Variants in SMAD5 observed in about 807,000 individuals in gnomAD.
SMAD5 encodes SMAD family member 5.
A neutral mutation model predicts 43.1 loss-of-function variants in SMAD5; 9 were observed. That is an observed-to-expected ratio of 0.21 (90% CI 0.13 to 0.36). SMAD5 has a LOEUF of 0.36. SMAD5 is among the 10% of genes least tolerant of loss of function. The probability of loss-of-function intolerance (pLI) is 1.00; values close to 1 mark genes in which losing one functional copy is unlikely to be tolerated. For missense variants in SMAD5, 348 were observed against 574.0 expected (o/e 0.61, Z 4.02); for synonymous variants, 190 against 192.4 (o/e 0.99, Z 0.10).
Position 136,161,064 on chromosome 5 carries a change from C to T in SMAD5, c.612C>T (p.Asn204=). Residue 204 remains asparagine, a synonymous_variant, in exon 4 of 8, where the codon AAC becomes AAT. Coordinates refer to ENST00000545279, the MANE Select transcript of SMAD5 (RefSeq NM_005903.7). ...PPSPASSTYP[N]SPASSGPGSP... Reference sequence around the variant, plus strand: ...CTCCTGCTAGCAGCACATATCCCAACTCCCCAGCAAGTTCTGGACCAGGAA... The same window carrying T: ...CTCCTGCTAGCAGCACATATCCCAATTCCCCAGCAAGTTCTGGACCAGGAA... The T allele has an allele frequency of 2.5e-6, 4 of 1,613,848 alleles. No homozygotes were observed. The highest frequency in any genetic ancestry group is 3.4e-6 in the Non-Finnish European group (4 of 1,179,858).
At position 136,179,508 on chromosome 5, in the gene SMAD5, C is replaced by A. The variant is rs1754547014; in HGVS notation, c.*2028C>A. 6.6e-6 allele frequency: 1 copy of A among 152,032 alleles called. No homozygotes were observed. The allele number at this position is 152,032 out of a possible 1,614,324, so 9.4% of individuals were successfully genotyped here. A position where few individuals can be genotyped will look rare whatever the true frequency, so the allele number is the denominator to read the frequency against. On this transcript the variant is annotated 3_prime_UTR_variant, in exon 8 of 8. Coordinates refer to ENST00000545279, the MANE Select transcript of SMAD5 (RefSeq NM_005903.7). ...TTTCGAGGAAAGAATTATGCAATTT[C>A]TTTTGTTTTCTGTGTCATTATTTAT...
intron 4 of SMAD5, 76 bp from the exon 5 acceptor site, chr5:136,163,196 A>AAGAATTTTCTAAAGCTTTT (rs941711560): frequency 7.7e-7 from 1 of 1,305,460 alleles, no homozygotes; most frequent in Non-Finnish European, 1.1e-6. Flanking sequence ...TGGTAATCTT[A>AAGAATTTTCTAAAGCTTTT]AGAATTTTCT....
chr5:136,167,110 A>C (rs548206413), intron 5 of SMAD5, among the ~76,000 whole-genome samples: 1 of 152,298 alleles, frequency 6.6e-6, no homozygotes, highest in South Asian at 2.1e-4. Context: ...GAGCAGAGGC[A>C]GTGCTTTTCT....
At chr5:136,174,157 C>A (rs1754323669) in intron 6 of SMAD5, among the ~76,000 whole-genome samples, 1 of 151,792 alleles carries the variant, frequency 6.6e-6, no homozygotes, top group Admixed American at 6.6e-5. Context: ...AAATGGATAA[C>A]TTAATCTGCT....
intron 4 of SMAD5, 27 bp downstream of exon 4, chr5:136,161,134 A>AG (rs1204189872): frequency 6.3e-7 from 1 of 1,586,508 alleles, no homozygotes; most frequent in African/African-American, 1.4e-5. Flanking sequence ...TTGATACCAA[A>AG]AAAAAAAAAA....
rs554070974 is a variant in SMAD5 at position 136,181,122 on chromosome 5, G to T, written c.*3642G>T. 1 of 152,050 alleles carries T rather than the reference G, an allele frequency of 6.6e-6. No individual in the cohort carries two copies. The highest frequency in any genetic ancestry group is 2.4e-5 in the African/African-American group (1 of 41,430). 9.4% of individuals were successfully genotyped at this position (152,050 alleles called of 1,614,324 possible). A position where few individuals can be genotyped will look rare whatever the true frequency, so the allele number is the denominator to read the frequency against. ...AGAGAACATCTGATGTACCAATTTA[G>T]ATCTATTTCTTTATACTTTTTCTAA... On this transcript the variant is annotated 3_prime_UTR_variant, in exon 8 of 8. Coordinates refer to ENST00000545279, the MANE Select transcript of SMAD5 (RefSeq NM_005903.7).
Position 136,153,654 on chromosome 5 carries a change from A to T in SMAD5, c.-107A>T. On this transcript the variant is annotated 5_prime_UTR_variant, in exon 3 of 8. An upstream open reading frame in the 5' UTR loses its in-frame stop. Transcript: ENST00000545279. Reference sequence around the variant, plus strand: ...AGATAAATGTTACTCCTCCCTTTTTAATTGGAACTTCTGCTTAGGACCTGT... The same window carrying T: ...AGATAAATGTTACTCCTCCCTTTTTTATTGGAACTTCTGCTTAGGACCTGT... 1 of 856,832 alleles carries T rather than the reference A, an allele frequency of 1.2e-6. No homozygotes were observed. Among genetic ancestry groups the T allele is most frequent in the Non-Finnish European group, 1.8e-6 (1 of 556,606 alleles). The allele number at this position is 856,832 out of a possible 1,614,324, so 53.1% of individuals were successfully genotyped here.
In SMAD5 at chr5:136,144,625, A is replaced by T. The variant is rs1349931154; in HGVS notation, c.-244-3207A>T. Among the ~76,000 whole-genome samples, 4 of 150,614 alleles carry T rather than the reference A, an allele frequency of 2.7e-5. No individual in the cohort carries two copies. The East Asian group carries it at 7.8e-4, about 29-fold the overall frequency. On this transcript the variant is annotated intron_variant, in intron 1 of 7. Transcript: ENST00000545279. ...TATAAATATATCTTATTATATTGGT[A>T]TATATTAATATATATTATTCCCACT...
At chr5:136,140,814 A>G (rs1449984963) in intron 1 of SMAD5, among the ~76,000 whole-genome samples, 4 of 150,778 alleles carry the variant, frequency 2.7e-5, no homozygotes, top group Non-Finnish European at 5.9e-5. Context: ...AATGAAGACA[A>G]GTGTTTTGGT....
intron 5 of SMAD5, among the ~76,000 whole-genome samples, chr5:136,170,564 A>T (rs538333952): frequency 2.8e-4 from 43 of 152,174 alleles, no homozygotes; most frequent in African/African-American, 1.0e-3. Flanking sequence ...GGCTATTTTG[A>T]GGCTTTTACC....
intron 1 of SMAD5, among the ~76,000 whole-genome samples, chr5:136,139,623 C>T (rs1753004660): frequency 6.6e-6 from 1 of 152,174 alleles, no homozygotes; most frequent in Non-Finnish European, 1.5e-5. Context: ...ATTACTGCAT[C>T]TCTGAACTGG....
At chr5:136,169,924 G>A (rs960303572) in intron 5 of SMAD5, among the ~76,000 whole-genome samples, 1 of 152,008 alleles carries the variant, frequency 6.6e-6, no homozygotes, top group African/African-American at 2.4e-5. Context: ...GTCTGTGGTG[G>A]GCTCCCTACT....
chr5:136,156,651 G>A (rs1186600587), intron 3 of SMAD5, among the ~76,000 whole-genome samples: 1 of 152,144 alleles, frequency 6.6e-6, no homozygotes, highest in Admixed American at 6.5e-5. Flanking sequence ...AGTATAGGCT[G>A]AAAAACTCCC....
At chr5:136,134,160 G>C (rs1313996264) in intron 1 of SMAD5, 1 of 152,224 alleles carries the variant, frequency 6.6e-6, no homozygotes, top group Non-Finnish European at 1.5e-5. Context: ...TTGATGTCTA[G>C]GTTTGTCACA....
At chr5:136,142,847 T>C (rs1355821783) in intron 1 of SMAD5, among the ~76,000 whole-genome samples, 1 of 152,168 alleles carries the variant, frequency 6.6e-6, no homozygotes, top group Non-Finnish European at 1.5e-5. Context: ...AAATGGCATA[T>C]GAAACTCTTT....
At position 136,182,091 on chromosome 5, in the gene SMAD5, T is replaced by C. The variant is rs1580812302; in HGVS notation, c.*4611T>C. 2 of 152,344 alleles carry C rather than the reference T, an allele frequency of 1.3e-5. No homozygotes were observed. Among genetic ancestry groups the C allele is most frequent in the East Asian group, 3.9e-4 (2 of 5,186 alleles). The allele number at this position is 152,344 out of a possible 1,614,324, so 9.4% of individuals were successfully genotyped here. A position where few individuals can be genotyped will look rare whatever the true frequency, so the allele number is the denominator to read the frequency against. On this transcript the variant is annotated 3_prime_UTR_variant, in exon 8 of 8. Coordinates refer to ENST00000545279, the MANE Select transcript of SMAD5 (RefSeq NM_005903.7). Reference sequence around the variant, plus strand: ...TAAACCATTATCCTTTAAAGGTTTATTTGAAGATGCTGTTAAAGTACAGAA... The same window carrying C: ...TAAACCATTATCCTTTAAAGGTTTACTTGAAGATGCTGTTAAAGTACAGAA...
At chr5:136,170,243 C>T (rs1252329859) in intron 5 of SMAD5, among the ~76,000 whole-genome samples, 2 of 152,012 alleles carry the variant, frequency 1.3e-5, no homozygotes, top group Non-Finnish European at 1.5e-5. Context: ...GTCTGTAATC[C>T]ATCTTGGGTC....
intron 1 of SMAD5, among the ~76,000 whole-genome samples, chr5:136,142,575 A>G (rs1162705910): frequency 1.3e-5 from 2 of 152,162 alleles, no homozygotes; most frequent in East Asian, 1.9e-4. Context: ...AAGAAATGAC[A>G]AAATACATCA....
At chr5:136,139,895 G>T (rs1349346556) in intron 1 of SMAD5, among the ~76,000 whole-genome samples, 1 of 152,006 alleles carries the variant, frequency 6.6e-6, no homozygotes, top group Non-Finnish European at 1.5e-5. Context: ...TTTTTGTAGA[G>T]ATGGAGTTTT....
Sources: gnomAD v4.1 joint callset for allele counts (sites outside exome capture counted in the v4.1 genomes callset) on GRCh38, gnomAD v4.1.1 for gene constraint, MANE v1.5 for transcripts, NCBI Gene and HGNC (gene_info 2026-07-23, HGNC 2026-07-21) for gene names.